The following ENG variants were observed in gnomAD, a reference collection of about 807,000 sequenced individuals.
ENG encodes the protein CD105 antigen.
A neutral mutation model predicts 71.0 loss-of-function variants in ENG; 17 were observed. The ratio of observed to expected loss-of-function variants is 0.24; its 90% confidence interval spans 0.16 to 0.36. ENG has a LOEUF of 0.36. Ranked by LOEUF, ENG falls within the 10% of genes least tolerant of loss-of-function variation. The probability of loss-of-function intolerance (pLI) is 1.00; values close to 1 mark genes in which losing one functional copy is unlikely to be tolerated. For synonymous variants in ENG, 360 were observed against 366.9 expected, an observed-to-expected ratio of 0.98 and a Z score of 0.21; for missense variants, 749 against 868.3, an observed-to-expected ratio of 0.86 and a Z score of 1.73.
intron 1 of ENG, among the ~76,000 whole-genome samples, chr9:127,847,873 T>C (rs754123341): frequency 1.3e-5 from 2 of 152,162 alleles, no homozygotes; most frequent in Non-Finnish European, 2.9e-5. Flanking sequence ...GGTCTCAGCA[T>C]GCCTTGGCCC....
rs1358177309 is a variant in ENG at position 127,846,266 on chromosome 9, G to A, written c.68-3021C>T. On this transcript the variant is annotated intron_variant, in intron 1 of 14. Coordinates refer to ENST00000373203, the MANE Select transcript of ENG (RefSeq NM_001114753.3). The surrounding 1 kb of genome is among the most constrained non-coding windows in gnomAD (Gnocchi z 5.5). ...CCCTCTCCTTTCCTCATCGGTGAGC[G>A]CAGGTTCCTTGGCTGTTACCTAGCT... 1.3e-5 allele frequency among the ~76,000 whole-genome samples: 2 copies of A among 152,110 alleles called. No homozygotes were observed. Among genetic ancestry groups the A allele is most frequent in the Non-Finnish European group, 2.9e-5 (2 of 68,010 alleles).
intron 3 of ENG, chr9:127,826,973 G>T (rs1451632597): frequency 2.4e-6 from 1 of 418,768 alleles, no homozygotes; most frequent in Non-Finnish European, 4.5e-6. Context: ...GCCATCCTGC[G>T]GCTGTCTCTC....
chr9:127,831,177 T>TA (rs1830755714), intron 2 of ENG, among the ~76,000 whole-genome samples: 1 of 151,056 alleles, frequency 6.6e-6, no homozygotes, highest in Non-Finnish European at 1.5e-5. Flanking sequence ...TTTTTTTTTT[T>TA]AGAGACAGAG....
At chr9:127,829,294 C>T (rs2131894553) in intron 3 of ENG, among the ~76,000 whole-genome samples, 1 of 152,306 alleles carries the variant, frequency 6.6e-6, no homozygotes, top group East Asian at 1.9e-4. Flanking sequence ...TTTCTCCTGG[C>T]CCTTTTCCTC....
intron 8 of ENG, among the ~76,000 whole-genome samples, 199 bp from the exon 9 acceptor site, chr9:127,820,236 T>C (rs1046590445): frequency 6.6e-6 from 1 of 152,080 alleles, no homozygotes; most frequent in Non-Finnish European, 1.5e-5. Flanking sequence ...TCTCACTCTT[T>C]TTGCCCAGGT....
intron 13 of ENG, 113 bp from the exon 14 acceptor site, chr9:127,816,166 G>C: frequency 7.6e-7 from 1 of 1,320,744 alleles, no homozygotes; most frequent in Non-Finnish European, 1.1e-6. Context: ...ATGGACCCTC[G>C]ACTTCTCTGA....
chr9:127,828,182 G>C (rs1163525660), intron 3 of ENG, among the ~76,000 whole-genome samples: 4 of 152,168 alleles, frequency 2.6e-5, no homozygotes, highest in Admixed American at 2.6e-4. Flanking sequence ...CTAGAAGGAA[G>C]TAGATACCTT....
chr9:127,823,304 C>G (rs372375034), intron 8 of ENG, among the ~76,000 whole-genome samples: 1 of 151,922 alleles, frequency 6.6e-6, no homozygotes, highest in African/African-American at 2.4e-5. Flanking sequence ...TACCACCATG[C>G]CTGGCTAATA....
intron 2 of ENG, among the ~76,000 whole-genome samples, chr9:127,832,964 C>T (rs1830801880): frequency 6.6e-6 from 1 of 152,072 alleles, no homozygotes; most frequent in Non-Finnish European, 1.5e-5. Flanking sequence ...GCCATGTTGG[C>T]CAGGATGGGC....
intron 1 of ENG, among the ~76,000 whole-genome samples, chr9:127,843,931 C>A (rs1364668545): frequency 6.8e-6 from 1 of 146,598 alleles, no homozygotes; most frequent in Non-Finnish European, 1.5e-5. Context: ...ACCACCACAC[C>A]CAGCTAATTT....
chr9:127,841,859 C>G (rs763691675), intron 2 of ENG, among the ~76,000 whole-genome samples: 39 of 152,328 alleles, frequency 2.6e-4, no homozygotes, highest in Non-Finnish European at 4.6e-4. Context: ...GGTGTGAACT[C>G]TGGCCCTGGG....
rs763976665 is a variant in ENG at position 127,846,730 on chromosome 9, C to T, written c.68-3485G>A. On this transcript the variant is annotated intron_variant, in intron 1 of 14. Transcript: ENST00000373203. The surrounding 1 kb of genome is among the most constrained non-coding windows in gnomAD (Gnocchi z 5.5). The stretch of plus-strand genomic sequence containing the variant: ...TGGGCCTGTCTCCCGGAGCCTGAGG[C>T]GGGCCCAGACCAAGTTGAAAACAAT... Among the ~76,000 whole-genome samples, 6 of 152,102 alleles carry T rather than the reference C, an allele frequency of 3.9e-5. No homozygotes were observed. Among genetic ancestry groups the T allele is most frequent in the Admixed American group, 1.3e-4 (2 of 15,264 alleles).
In ENG at chr9:127,825,709, C is replaced by T. The variant is rs757608428; in HGVS notation, c.675G>A (p.Pro225=). The change falls in exon 5 of 15, where the codon CCG becomes CCA. Residue 225 remains proline (P), a synonymous_variant. Coordinates refer to ENST00000373203, the MANE Select transcript of ENG (RefSeq NM_001114753.3). The part of the protein sequence containing the change: ...HKEAHILRVL[P]GHSAGPRTVT... ...GAGAGCCATACCCGGCCGAGTGGCC[C>T]GGCAGGACCCTCAGGATGTGCGCCT... 34 of 1,586,864 alleles carry T rather than the reference C, an allele frequency of 2.1e-5. No individual in the cohort carries two copies. Among genetic ancestry groups the T allele is most frequent in the Non-Finnish European group, 2.7e-5 (32 of 1,169,758 alleles).
intron 1 of ENG, among the ~76,000 whole-genome samples, chr9:127,850,415 A>G (rs1183692487): frequency 6.6e-6 from 1 of 152,190 alleles, no homozygotes; most frequent in Non-Finnish European, 1.5e-5. Context: ...AGGGCCCAGC[A>G]CCAACACATC....
rs1419279746 is a variant in ENG at position 127,843,091 on chromosome 9, C to T, written c.219+3G>A. ...CCACCCGACCCTGCCATGGGACACT[C>T]ACCGTTGGGAACTCCAGGAAGAGGA... On this transcript the variant is annotated splice_donor_region_variant and intron_variant, in intron 2 of 14. Transcript: ENST00000373203. 5.6e-6 allele frequency: 9 copies of T among 1,613,878 alleles called. No homozygotes were observed. Among genetic ancestry groups the T allele is most frequent in the South Asian group, 1.1e-5 (1 of 91,078 alleles).
rs41461051 is a variant in ENG, at chr9:127,846,073, T to G, written c.68-2828A>C. Reference sequence around the variant, plus strand: ...TTGACTGACTTCAGTCACTGTAGAATTGACTGTTCTAAGGGGTGGGGTGAA... The same window carrying G: ...TTGACTGACTTCAGTCACTGTAGAAGTGACTGTTCTAAGGGGTGGGGTGAA... On this transcript the variant is annotated intron_variant, in intron 1 of 14. Coordinates refer to ENST00000373203, the MANE Select transcript of ENG (RefSeq NM_001114753.3). The surrounding 1 kb of genome is among the most constrained non-coding windows in gnomAD (Gnocchi z 5.5). Among the ~76,000 whole-genome samples the G allele has an allele frequency of 0.028, 4,309 of 152,268 alleles. 182 individuals carry two copies. The highest frequency in any genetic ancestry group is 0.093 in the African/African-American group (3,848 of 41,556).
intron 12 of ENG, chr9:127,817,915 G>T: frequency 1.5e-6 from 1 of 678,570 alleles, no homozygotes. Flanking sequence ...TAGTCTGCCA[G>T]TGCCCCAGAC....
intron 1 of ENG, among the ~76,000 whole-genome samples, chr9:127,844,190 A>G (rs1468254744): frequency 1.3e-5 from 2 of 150,928 alleles, no homozygotes; most frequent in African/African-American, 4.9e-5. Context: ...CAACAGTGTG[A>G]TCTCGACTTA....
At position 127,843,137 on chromosome 9, in the gene ENG, T is replaced by C. The variant is rs761856906; in HGVS notation, c.176A>G (p.Asn59Ser). 19 of 1,614,196 alleles carry C rather than the reference T, an allele frequency of 1.2e-5. No individual in the cohort carries two copies. The East Asian group carries it at 2.0e-4, about 17-fold the overall frequency. The change falls in exon 2 of 15, where the codon AAT becomes AGT. Residue 59 changes from asparagine to serine, a missense_variant. Transcript: ENST00000373203. ...GAGGACATGGACTTCAAGGATGGCA[T>C]TGGGGGCCTGAGCCACGCAGCCCTT... ...VSKGCVAQAP[N>S]AILEVHVLFL...
Sources: allele counts gnomAD v4.1 joint callset (sites outside exome capture counted in the v4.1 genomes callset), GRCh38; gene constraint gnomAD v4.1.1; non-coding constraint Gnocchi (gnomAD v3.1); transcripts MANE v1.5; gene names NCBI Gene and HGNC (gene_info 2026-07-23, HGNC 2026-07-21).